Variants in CLSTN2 observed in about 807,000 individuals in gnomAD.
The protein encoded by CLSTN2 is calsyntenin 2, also known as calsyntenin-2.
A neutral mutation model predicts 101.2 loss-of-function variants in CLSTN2; 48 were observed. The observed-to-expected ratio is 0.47, with a 90% CI of 0.38 to 0.60. The LOEUF is 0.60. Among genes scored for constraint, CLSTN2 ranks in the 20% least tolerant of loss-of-function variants. The pLI is 0.00. For missense variants in CLSTN2, 1,160 were observed against 1,238.2 expected (o/e 0.94, Z 0.95); for synonymous variants, 481 against 463.6 (o/e 1.04, Z -0.48).
intron 1 of CLSTN2, among the ~76,000 whole-genome samples, chr3:139,988,544 C>T (rs1172693134): frequency 6.6e-6 from 1 of 152,158 alleles, no homozygotes; most frequent in East Asian, 1.9e-4. Flanking sequence ...GATATAGTCC[C>T]TGCCCCAGAA....
intron 2 of CLSTN2, among the ~76,000 whole-genome samples, chr3:140,306,621 T>C (rs1322356094): frequency 6.6e-6 from 1 of 152,176 alleles, no homozygotes; most frequent in Non-Finnish European, 1.5e-5. Context: ...CCTTGCTCTT[T>C]GTCCTACTCT....
rs529675348 is a variant in CLSTN2 at position 140,050,154 on chromosome 3, A to AT, written c.109+114677dup. On this transcript the variant is annotated intron_variant, in intron 1 of 16. Transcript: ENST00000458420. ...ATATTCTCAGCTTGTTATTGCTATT[A>AT]TTTTTTCAACCATACATTAGATAAT... Among the ~76,000 whole-genome samples the AT allele has an allele frequency of 1.7e-3, 253 of 152,206 alleles. 1 individual carries two copies. Among genetic ancestry groups the AT allele is most frequent in the African/African-American group, 6.0e-3 (249 of 41,510 alleles).
At chr3:140,028,442 C>T (rs2007468406) in intron 1 of CLSTN2, among the ~76,000 whole-genome samples, 2 of 152,106 alleles carry the variant, frequency 1.3e-5, no homozygotes, top group Non-Finnish European at 2.9e-5. Context: ...ACTCTTGACA[C>T]CAGGGACTCC....
At chr3:140,197,069 A>G (rs77396220) in intron 2 of CLSTN2, among the ~76,000 whole-genome samples, 3,338 of 152,378 alleles carry the variant, frequency 0.022, 125 homozygotes, top group African/African-American at 0.077. Flanking sequence ...ACAAACAAAT[A>G]GCATGTAGTT....
At chr3:140,557,890 A>T (rs1017748833) in intron 11 of CLSTN2, among the ~76,000 whole-genome samples, 1 of 152,210 alleles carries the variant, frequency 6.6e-6, no homozygotes, top group Middle Eastern at 3.2e-3. Flanking sequence ...CTGAGCTCAA[A>T]CCATGATGCA....
At chr3:140,259,130 T>G (rs1318690773) in intron 2 of CLSTN2, among the ~76,000 whole-genome samples, 2 of 150,284 alleles carry the variant, frequency 1.3e-5, no homozygotes, top group Non-Finnish European at 2.9e-5. Flanking sequence ...AGACAAAATT[T>G]TAATTTTTTT....
intron 1 of CLSTN2, among the ~76,000 whole-genome samples, chr3:139,966,764 A>G (rs1426086495): frequency 1.3e-5 from 2 of 152,120 alleles, no homozygotes; most frequent in Non-Finnish European, 2.9e-5. Flanking sequence ...TGATGGACTG[A>G]GTGAAGGGAA....
chr3:140,311,286 C>CTTTTTTTT (rs2087164551), intron 2 of CLSTN2, among the ~76,000 whole-genome samples: 1 of 85,328 alleles, frequency 1.2e-5, no homozygotes, highest in Admixed American at 1.4e-4. Context: ...GGTTTATTAT[C>CTTTTTTTT]CTTTTTTTTT....
intron 2 of CLSTN2, among the ~76,000 whole-genome samples, chr3:140,247,719 C>T (rs1490886217): frequency 1.3e-5 from 2 of 152,096 alleles, no homozygotes; most frequent in African/African-American, 2.4e-5. Flanking sequence ...GTGGGGGGCT[C>T]ATCAACAGTA....
chr3:140,519,577 A>G (rs972419511), intron 8 of CLSTN2, among the ~76,000 whole-genome samples: 5 of 152,110 alleles, frequency 3.3e-5, no homozygotes, highest in Non-Finnish European at 7.4e-5. Context: ...ACCCTTTACC[A>G]GTATGTAATT....
chr3:140,562,049 G>T (rs918740415), intron 12 of CLSTN2, 89 bp from the exon 13 acceptor site: 37 of 1,193,676 alleles, frequency 3.1e-5, no homozygotes, highest in Non-Finnish European at 4.5e-5. Flanking sequence ...TTAACCTGGG[G>T]TGCAATAACA....
At chr3:140,298,732 G>A (rs1283075162) in intron 2 of CLSTN2, among the ~76,000 whole-genome samples, 2 of 152,216 alleles carry the variant, frequency 1.3e-5, no homozygotes, top group Non-Finnish European at 2.9e-5. Flanking sequence ...GTCCAGTGGG[G>A]CAGCAACTGT....
At chr3:140,144,538 C>A (rs1370222200) in intron 1 of CLSTN2, among the ~76,000 whole-genome samples, 1 of 152,160 alleles carries the variant, frequency 6.6e-6, no homozygotes, top group Non-Finnish European at 1.5e-5. Flanking sequence ...ATTGCTTGAA[C>A]CCAGGAGGCG....
Position 139,948,860 on chromosome 3 carries a change from C to A in CLSTN2, c.109+13377C>A, listed in dbSNP as rs567945221. ...TAAAAGGCCCTTAGTTGGTGCCTAC[C>A]TGTTCCTGGGCTAGAAATGAAGCTC... On this transcript the variant is annotated intron_variant, in intron 1 of 16. Transcript: ENST00000458420. Among the ~76,000 whole-genome samples the A allele has an allele frequency of 3.9e-5, 6 of 152,320 alleles. No homozygotes were observed. The South Asian group carries it at 1.2e-3, about 32-fold the overall frequency.
At chr3:140,285,657 G>T (rs2086889032) in intron 2 of CLSTN2, among the ~76,000 whole-genome samples, 1 of 152,222 alleles carries the variant, frequency 6.6e-6, no homozygotes, top group African/African-American at 2.4e-5. Context: ...AATTCATTGG[G>T]TCTGTGGTGG....
intron 2 of CLSTN2, among the ~76,000 whole-genome samples, chr3:140,335,506 A>G (rs763303249): frequency 9.3e-5 from 14 of 151,054 alleles, no homozygotes; most frequent in African/African-American, 3.2e-4. Context: ...ATCTGACCTG[A>G]GTCAAAAGGC....
chr3:140,166,642 G>A (rs549609002), intron 1 of CLSTN2, among the ~76,000 whole-genome samples: 70 of 152,214 alleles, frequency 4.6e-4, no homozygotes, highest in African/African-American at 1.5e-3. Flanking sequence ...AGAGAGCTGA[G>A]GAGCTCTCCT....
chr3:140,510,002 G>A (rs1269895819), intron 8 of CLSTN2, among the ~76,000 whole-genome samples: 2 of 152,190 alleles, frequency 1.3e-5, no homozygotes, highest in Non-Finnish European at 2.9e-5. Flanking sequence ...GAACATCAAA[G>A]CTTAGCCTAG....
intron 2 of CLSTN2, among the ~76,000 whole-genome samples, chr3:140,321,521 G>A (rs2087282809): frequency 6.6e-6 from 1 of 152,130 alleles, no homozygotes. Context: ...GCCCTAAGCT[G>A]GAGAGAGACC....
Sources: gnomAD v4.1 joint callset for allele counts (sites outside exome capture counted in the v4.1 genomes callset) on GRCh38, gnomAD v4.1.1 for gene constraint, MANE v1.5 for transcripts, NCBI Gene and HGNC (gene_info 2026-07-23, HGNC 2026-07-21) for gene names.